PDE8B: variants seen among roughly 807,000 people sequenced by gnomAD.
The protein encoded by PDE8B is high affinity cAMP-specific and IBMX-insensitive 3',5'-cyclic phosphodiesterase 8B.
Under a neutral mutation model 101.3 loss-of-function variants are expected in PDE8B, and 26 were observed. That is an observed-to-expected ratio of 0.26 (90% CI 0.19 to 0.36). The LOEUF (loss-of-function observed/expected upper bound fraction) is 0.36. Ranked by LOEUF, PDE8B falls within the 10% of genes least tolerant of loss-of-function variation. The pLI is 1.00. For missense variants in PDE8B, 810 were observed against 1,163.1 expected (o/e 0.70, Z 4.42); for synonymous variants, 424 against 429.3 (o/e 0.99, Z 0.15).
chr5:77,169,806 G>C, the PDE8B span, among the ~76,000 whole-genome samples: 1 of 152,168 alleles, frequency 6.6e-6, no homozygotes, highest in South Asian at 2.1e-4. Flanking sequence ...CTGGAGGTGT[G>C]CTACTGCAGC....
the PDE8B span, among the ~76,000 whole-genome samples, chr5:77,197,296 T>C: frequency 5.2e-5 from 7 of 135,574 alleles, no homozygotes; most frequent in South Asian, 2.4e-4. Flanking sequence ...TTTTTTTTTT[T>C]AGTAGAGTCG....
At position 77,291,475 on chromosome 5, in the gene PDE8B, C is replaced by T. The variant is rs756947222; in HGVS notation, c.340-20519C>T. 171 of 1,610,274 alleles carry T rather than the reference C, an allele frequency of 1.1e-4. 1 individual carries two copies. Among genetic ancestry groups the T allele is most frequent in the Middle Eastern group, 2.2e-4 (1 of 4,460 alleles). ...ATTGCACACACAGAGACTTTTGCTCCGATTCTGTATGTCTTTAAATTCAAG... is the reference window on the plus strand; with the variant it reads ...ATTGCACACACAGAGACTTTTGCTCTGATTCTGTATGTCTTTAAATTCAAG... On this transcript the variant is annotated intron_variant, in intron 1 of 21. Transcript: ENST00000264917.
chr5:77,133,433 A>G, the PDE8B span, among the ~76,000 whole-genome samples: 1 of 152,248 alleles, frequency 6.6e-6, no homozygotes, highest in Admixed American at 6.5e-5. Context: ...GATGTTTGTC[A>G]TATAACATTT....
chr5:77,335,873 T>C (rs1175235907), intron 5 of PDE8B, among the ~76,000 whole-genome samples: 1 of 152,182 alleles, frequency 6.6e-6, no homozygotes, highest in Non-Finnish European at 1.5e-5. Flanking sequence ...TCCCTTACTA[T>C]TTTTTACTTG....
the PDE8B span, among the ~76,000 whole-genome samples, chr5:77,159,737 C>G: frequency 2.0e-5 from 3 of 152,136 alleles, no homozygotes; most frequent in Admixed American, 6.5e-5. Context: ...TGGCAGGGCC[C>G]CATGTGAGCC....
chr5:77,237,520 C>T (rs564930891), intron 1 of PDE8B, among the ~76,000 whole-genome samples: 64 of 152,114 alleles, frequency 4.2e-4, no homozygotes, highest in Non-Finnish European at 7.4e-4. Context: ...TCATGTGTGT[C>T]TTTTTTATCC....
chr5:77,353,107 C>A lies in PDE8B; in HGVS notation c.1107-239C>A, dbSNP rs191549687. Among the ~76,000 whole-genome samples the A allele has an allele frequency of 2.0e-5, 3 of 152,194 alleles. No homozygotes were observed. The East Asian group carries it at 5.8e-4, about 29-fold the overall frequency. ...TAGGAGTCAGTTACAAAATAACATACCCATTAGGGAAGTGTTTCTGAGCCC... is the reference window on the plus strand; with the variant it reads ...TAGGAGTCAGTTACAAAATAACATAACCATTAGGGAAGTGTTTCTGAGCCC... On this transcript the variant is annotated intron_variant, in intron 9 of 21. Coordinates refer to ENST00000264917, the MANE Select transcript of PDE8B (RefSeq NM_003719.5).
At chr5:77,423,949 TTTTTA>T (rs2151218265) in intron 20 of PDE8B, among the ~76,000 whole-genome samples, 1 of 152,200 alleles carries the variant, frequency 6.6e-6, no homozygotes, top group East Asian at 1.9e-4. Flanking sequence ...GACATTTTTT[TTTTTA>T]TGTTTATTGG....
rs995313200 is a variant in PDE8B at position 77,425,794 on chromosome 5, C to G, written c.2446C>G (p.Pro816Ala). 6.2e-7 allele frequency: 1 copy of G among 1,613,546 alleles called. No homozygotes were observed. Among genetic ancestry groups the G allele is most frequent in the Non-Finnish European group, 8.5e-7 (1 of 1,179,504 alleles). The stretch of plus-strand genomic sequence containing the variant: ...TGATGAAGAGAAGAGACAGGGACTA[C>G]CTGTGGTGATGCCAGTGTTTGACCG... The part of the protein sequence containing the change: ...QTDEEKRQGL[P>A]VVMPVFDRNT... The change falls in exon 21 of 22, where the codon CCT (proline) becomes GCT (alanine). Residue 816 changes from proline to alanine, a missense_variant. Transcript: ENST00000264917.
intron 1 of PDE8B, among the ~76,000 whole-genome samples, chr5:77,238,755 A>G (rs1755176709): frequency 6.6e-6 from 1 of 152,256 alleles, no homozygotes; most frequent in Non-Finnish European, 1.5e-5. Context: ...TCTGAGAACC[A>G]GCAGAGTCAA....
intron 1 of PDE8B, among the ~76,000 whole-genome samples, chr5:77,253,245 A>C (rs1177240910): frequency 6.6e-6 from 1 of 152,188 alleles, no homozygotes; most frequent in East Asian, 1.9e-4. Context: ...AAATGAGTAT[A>C]AATTTTAAAG....
intron 1 of PDE8B, among the ~76,000 whole-genome samples, chr5:77,270,271 A>G (rs1420758874): frequency 1.3e-5 from 2 of 152,188 alleles, no homozygotes; most frequent in African/African-American, 2.4e-5. Context: ...CACTGTTTGC[A>G]TACAGAAATG....
the PDE8B span, among the ~76,000 whole-genome samples, chr5:77,124,420 C>G: frequency 6.6e-6 from 1 of 151,980 alleles, no homozygotes. Context: ...AAATCCATCT[C>G]TACACAAAAT....
chr5:77,322,605 C>A (rs1775305690), intron 2 of PDE8B, among the ~76,000 whole-genome samples: 1 of 152,158 alleles, frequency 6.6e-6, no homozygotes, highest in Admixed American at 6.5e-5. Context: ...GAATGCTTTT[C>A]CTTCCAACAT....
chr5:77,145,627 G>A, the PDE8B span: 3 of 152,292 alleles, frequency 2.0e-5, no homozygotes, highest in Admixed American at 1.3e-4. Flanking sequence ...CATCTCAGCA[G>A]GAACTCAAGG....
chr5:77,144,870 C>CA, the PDE8B span: 2 of 152,032 alleles, frequency 1.3e-5, no homozygotes, highest in Non-Finnish European at 2.9e-5. Context: ...TTAAATTCTT[C>CA]AATGTCTGAG....
intron 2 of PDE8B, among the ~76,000 whole-genome samples, 162 bp from the exon 3 acceptor site, chr5:77,325,377 C>T (rs1247734885): frequency 6.6e-6 from 1 of 152,086 alleles, no homozygotes; most frequent in Non-Finnish European, 1.5e-5. Flanking sequence ...GCCATGTTGC[C>T]CTGGCTGGTC....
In PDE8B at chr5:77,250,541, C is replaced by T. The variant is rs150422101; in HGVS notation, c.339+39277C>T. On this transcript the variant is annotated intron_variant, in intron 1 of 21. Coordinates refer to ENST00000264917, the MANE Select transcript of PDE8B (RefSeq NM_003719.5). Reference sequence around the variant, plus strand: ...CCTCTTGAGGTTCTGGGGTGCCTTCCCTTCTTCCTCATTAACTTATTTCTC... The same window carrying T: ...CCTCTTGAGGTTCTGGGGTGCCTTCTCTTCTTCCTCATTAACTTATTTCTC... Among the ~76,000 whole-genome samples, 152 of 152,258 alleles carry T rather than the reference C, an allele frequency of 1.0e-3. 2 individuals carry two copies. In the East Asian group the frequency reaches 0.027, roughly 27 times the overall value.
At chr5:77,396,773 A>T (rs992010428) in intron 10 of PDE8B, among the ~76,000 whole-genome samples, 5 of 152,134 alleles carry the variant, frequency 3.3e-5, no homozygotes, top group Non-Finnish European at 7.3e-5. Flanking sequence ...ATCAAAACAC[A>T]TCTTTCTTTC....
Sources: allele counts gnomAD v4.1 joint callset (sites outside exome capture counted in the v4.1 genomes callset), GRCh38; gene constraint gnomAD v4.1.1; transcripts MANE v1.5; gene names NCBI Gene and HGNC (gene_info 2026-07-23, HGNC 2026-07-21).